Variants in INPP4B observed in about 807,000 individuals in gnomAD.
INPP4B encodes the protein inositol polyphosphate-4-phosphatase type II B.
A neutral mutation model predicts 122.5 loss-of-function variants in INPP4B; 55 were observed. The observed-to-expected ratio is 0.45, with a 90% CI of 0.36 to 0.56. The LOEUF is 0.56. INPP4B is among the 20% of genes least tolerant of loss of function. The pLI, the probability that INPP4B is intolerant of heterozygous loss-of-function variation, is 0.00. For synonymous variants in INPP4B, 403 were observed against 388.7 expected (o/e 1.04, Z -0.43); for missense variants, 1,000 against 1,097.7 (o/e 0.91, Z 1.26).
chr4:142,094,693 C>T (rs1265447774), intron 23 of INPP4B, among the ~76,000 whole-genome samples: 1 of 152,136 alleles, frequency 6.6e-6, no homozygotes, highest in Non-Finnish European at 1.5e-5. Flanking sequence ...GGAATTAAAT[C>T]ACAAACTGTA....
chr4:142,224,480 T>C (rs567345651), intron 12 of INPP4B, among the ~76,000 whole-genome samples: 25 of 152,310 alleles, frequency 1.6e-4, no homozygotes, highest in Admixed American at 8.5e-4. Context: ...AAATAAAATA[T>C]CTTCTGTCTC....
At chr4:142,614,261 C>T (rs911886983) in intron 2 of INPP4B, among the ~76,000 whole-genome samples, 1 of 151,936 alleles carries the variant, frequency 6.6e-6, no homozygotes, top group Admixed American at 6.6e-5. Context: ...AAGCTACATA[C>T]CTACAAGCAA....
intron 2 of INPP4B, among the ~76,000 whole-genome samples, chr4:142,604,177 C>T (rs1032165889): frequency 2.0e-5 from 3 of 151,990 alleles, no homozygotes; most frequent in Non-Finnish European, 4.4e-5. Context: ...AAATTCAACA[C>T]CTGTTCATGA....
chr4:142,390,330 G>C (rs1441134980), intron 7 of INPP4B, among the ~76,000 whole-genome samples: 1 of 152,178 alleles, frequency 6.6e-6, no homozygotes, highest in Non-Finnish European at 1.5e-5. Flanking sequence ...AAAGGCAAGA[G>C]TTTGGAAAGC....
intron 15 of INPP4B, among the ~76,000 whole-genome samples, chr4:142,174,450 G>A (rs371673349): frequency 6.6e-6 from 1 of 152,090 alleles, no homozygotes; most frequent in African/African-American, 2.4e-5. Context: ...GCTGAGAAAT[G>A]AGGAGAAAAT....
chr4:142,456,526 T>C (rs565344482), intron 3 of INPP4B, among the ~76,000 whole-genome samples: 107 of 152,174 alleles, frequency 7.0e-4, no homozygotes, highest in African/African-American at 2.4e-3. Flanking sequence ...TTTGTTACTA[T>C]AGTTCTGTAA....
At chr4:142,649,502 G>T (rs1327234343) in intron 2 of INPP4B, among the ~76,000 whole-genome samples, 3 of 152,132 alleles carry the variant, frequency 2.0e-5, no homozygotes, top group Non-Finnish European at 2.9e-5. Flanking sequence ...GGCTAACTAG[G>T]ATAAACAGTG....
At chr4:142,310,451 A>C (rs1039108351) in intron 8 of INPP4B, among the ~76,000 whole-genome samples, 1 of 152,152 alleles carries the variant, frequency 6.6e-6, no homozygotes, top group African/African-American at 2.4e-5. Flanking sequence ...TTAAAATTAC[A>C]TATGCGGCAT....
chr4:142,667,806 G>C (rs918305673), intron 2 of INPP4B, among the ~76,000 whole-genome samples: 1 of 152,202 alleles, frequency 6.6e-6, no homozygotes, highest in African/African-American at 2.4e-5. Flanking sequence ...ATTGGGTATA[G>C]AGGTGCAAAT....
chr4:142,196,023 AT>A (rs1838054191), intron 14 of INPP4B, among the ~76,000 whole-genome samples: 1 of 152,200 alleles, frequency 6.6e-6, no homozygotes, highest in South Asian at 2.1e-4. Flanking sequence ...CTAGACATCT[AT>A]GAAGAAACCG....
intron 7 of INPP4B, among the ~76,000 whole-genome samples, chr4:142,390,811 A>G (rs961069083): frequency 6.9e-6 from 1 of 145,230 alleles, no homozygotes; most frequent in Non-Finnish European, 1.5e-5. Context: ...AACTACGACT[A>G]TTTAGAGTCA....
intron 1 of INPP4B, among the ~76,000 whole-genome samples, chr4:142,769,856 G>C (rs1772759937): frequency 6.6e-6 from 1 of 152,162 alleles, no homozygotes; most frequent in Admixed American, 6.5e-5. Context: ...AGAGGTGGCA[G>C]TGAGCTGAGA....
At chr4:142,676,740 A>G (rs1195290280) in intron 2 of INPP4B, among the ~76,000 whole-genome samples, 3 of 152,214 alleles carry the variant, frequency 2.0e-5, no homozygotes, top group Non-Finnish European at 4.4e-5. Flanking sequence ...AGCAGTGGGC[A>G]AAGTATTTCC....
chr4:142,296,450 T>A (rs886620832), intron 9 of INPP4B, among the ~76,000 whole-genome samples: 11 of 152,212 alleles, frequency 7.2e-5, no homozygotes, highest in African/African-American at 2.4e-4. Context: ...ATAGTTTGTG[T>A]ACAATGTGTC....
At chr4:142,356,416 T>C (rs1783624628) in intron 7 of INPP4B, among the ~76,000 whole-genome samples, 1 of 151,484 alleles carries the variant, frequency 6.6e-6, no homozygotes, top group Non-Finnish European at 1.5e-5. Flanking sequence ...TTTGAAATGA[T>C]ATGAGAAGGA....
At position 142,717,442 on chromosome 4, in the gene INPP4B, G is replaced by A. The variant is rs562844247; in HGVS notation, c.-191+8397C>T. Among the ~76,000 whole-genome samples, 21 of 152,274 alleles carry A rather than the reference G, an allele frequency of 1.4e-4. No homozygotes were observed. The East Asian group carries it at 3.7e-3, about 27-fold the overall frequency. On this transcript the variant is annotated intron_variant, in intron 2 of 25. Transcript: ENST00000262992. Reference sequence around the variant, plus strand: ...GCTTGCTTCAGCCAGGAAGCAATAAGCTAAGAAGTTACCAGTCTGGGATTC... The same window carrying A: ...GCTTGCTTCAGCCAGGAAGCAATAAACTAAGAAGTTACCAGTCTGGGATTC...
intron 2 of INPP4B, among the ~76,000 whole-genome samples, chr4:142,526,029 A>T (rs1826866850): frequency 6.6e-6 from 1 of 152,114 alleles, no homozygotes; most frequent in Non-Finnish European, 1.5e-5. Flanking sequence ...GCACGATTTC[A>T]TGTAACATTA....
chr4:142,493,590 T>G (rs1215304595), intron 2 of INPP4B, among the ~76,000 whole-genome samples: 1 of 152,204 alleles, frequency 6.6e-6, no homozygotes, highest in Non-Finnish European at 1.5e-5. Context: ...CTATTGGATT[T>G]CAGACTTGCA....
At chr4:142,761,833 G>A (rs776123895) in intron 1 of INPP4B, among the ~76,000 whole-genome samples, 1 of 152,068 alleles carries the variant, frequency 6.6e-6, no homozygotes, top group Non-Finnish European at 1.5e-5. Context: ...AGACACTTAA[G>A]ACAAGATAAC....
Sources: allele counts gnomAD v4.1 joint callset (sites outside exome capture counted in the v4.1 genomes callset), GRCh38; gene constraint gnomAD v4.1.1; transcripts MANE v1.5; gene names NCBI Gene and HGNC (gene_info 2026-07-23, HGNC 2026-07-21).